Variants in WAC observed in about 807,000 individuals in gnomAD.
WAC encodes WW domain containing adaptor with coiled-coil.
WAC carries 11 observed loss-of-function variants against 79.6 expected under a neutral mutation model. That is an observed-to-expected ratio of 0.14 (90% CI 0.09 to 0.23). The LOEUF (loss-of-function observed/expected upper bound fraction) is 0.23, where lower values mean the gene tolerates loss of function less well. Ranked by LOEUF, WAC falls within the 10% of genes least tolerant of loss-of-function variation. The probability of loss-of-function intolerance (pLI) is 1.00; values close to 1 mark genes in which losing one functional copy is unlikely to be tolerated. For missense variants in WAC, 728 were observed against 773.5 expected (o/e 0.94, Z 0.70); for synonymous variants, 304 against 276.9 (o/e 1.10, Z -0.97).
intron 3 of WAC, among the ~76,000 whole-genome samples, chr10:28,576,256 T>G (rs1407203938): frequency 6.6e-6 from 1 of 152,220 alleles, no homozygotes; most frequent in African/African-American, 2.4e-5. Context: ...TTTCACAAAC[T>G]CTTTGTAGCA....
At chr10:28,589,305 G>A (rs1160130046) in intron 4 of WAC, 1 of 152,334 alleles carries the variant, frequency 6.6e-6, no homozygotes, top group East Asian at 1.9e-4. Flanking sequence ...GTTAATACAG[G>A]CAAGATTGTT....
At chr10:28,588,185 ATAAT>A (rs1384897943) in intron 4 of WAC, among the ~76,000 whole-genome samples, 1 of 152,156 alleles carries the variant, frequency 6.6e-6, no homozygotes, top group Non-Finnish European at 1.5e-5. Flanking sequence ...CAGTTGCATA[ATAAT>A]TTATGTATAG....
chr10:28,584,951 C>G (rs993387059), intron 4 of WAC, among the ~76,000 whole-genome samples: 1 of 152,000 alleles, frequency 6.6e-6, no homozygotes, highest in African/African-American at 2.4e-5. Flanking sequence ...ACCTGTAATC[C>G]CAGCTACTTG....
intron 3 of WAC, among the ~76,000 whole-genome samples, chr10:28,560,407 A>G (rs1437721356): frequency 6.6e-6 from 1 of 152,138 alleles, no homozygotes; most frequent in African/African-American, 2.4e-5. Flanking sequence ...CGAAGCAGGC[A>G]TTAGCTGGAA....
chr10:28,551,681 T>C (rs1178223913), intron 3 of WAC, among the ~76,000 whole-genome samples: 1 of 152,198 alleles, frequency 6.6e-6, no homozygotes, highest in African/African-American at 2.4e-5. Context: ...GCTTAAGATA[T>C]TGGAGCGAAT....
chr10:28,572,337 C>CAA lies in WAC; in HGVS notation c.275-11046_275-11045dup, dbSNP rs535940157. Among the ~76,000 whole-genome samples the CAA allele has an allele frequency of 3.5e-3, 300 of 86,748 alleles. 2 individuals carry two copies. Among genetic ancestry groups the CAA allele is most frequent in the African/African-American group, 9.3e-3 (212 of 22,820 alleles). 56.9% of individuals were successfully genotyped at this position (86,748 alleles called of 152,430 possible). ...GGGCAACAGAGTGAGACTCTGTCTCCAAAAAAAAAAAAAAAAAGCCATTAA... is the reference window on the plus strand; with the variant it reads ...GGGCAACAGAGTGAGACTCTGTCTCCAAAAAAAAAAAAAAAAAAAGCCATTAA... On this transcript the variant is annotated intron_variant, in intron 3 of 13. Transcript: ENST00000354911.
At chr10:28,553,539 C>G (rs756765609) in intron 3 of WAC, among the ~76,000 whole-genome samples, 1 of 151,942 alleles carries the variant, frequency 6.6e-6, no homozygotes, top group South Asian at 2.1e-4. Context: ...ATGGCTTTTT[C>G]TTTTTCCCTT....
chr10:28,548,859 A>G (rs1285938089), intron 3 of WAC, among the ~76,000 whole-genome samples: 3 of 152,162 alleles, frequency 2.0e-5, no homozygotes, highest in Non-Finnish European at 2.9e-5. Context: ...TGGCTAGTGC[A>G]GCTAAGAAAC....
At chr10:28,579,486 A>G (rs1839422347) in intron 3 of WAC, among the ~76,000 whole-genome samples, 1 of 152,206 alleles carries the variant, frequency 6.6e-6, no homozygotes, top group African/African-American at 2.4e-5. Flanking sequence ...TAGGTTCAGA[A>G]GTCTTACTAT....
At chr10:28,573,864 A>C (rs1589178750) in intron 3 of WAC, among the ~76,000 whole-genome samples, 3 of 148,738 alleles carry the variant, frequency 2.0e-5, no homozygotes, top group African/African-American at 2.5e-5. Flanking sequence ...ATCCCCCAAC[A>C]CCCCCCTCAC....
At chr10:28,618,319 A>G (rs997817683) in intron 13 of WAC, among the ~76,000 whole-genome samples, 1 of 152,246 alleles carries the variant, frequency 6.6e-6, no homozygotes, top group African/African-American at 2.4e-5. Context: ...ATTGAGGACA[A>G]ACTTGGCAAT....
rs1564408318 is a variant in WAC, at chr10:28,595,773, A to G, written c.651A>G (p.Pro217=). The part of the protein sequence containing the change: ...KHSSDASSLL[P]QNILSQTSRH... ...CCAGTGATGCCAGTAGTTTGCTCCCACAGAATATTTTGTCTCAAACAAGCA... is the reference window on the plus strand; with the variant it reads ...CCAGTGATGCCAGTAGTTTGCTCCCGCAGAATATTTTGTCTCAAACAAGCA... Residue 217 remains proline, a synonymous_variant, in exon 7 of 14, where the codon CCA becomes CCG. Coordinates refer to ENST00000354911, the MANE Select transcript of WAC (RefSeq NM_016628.5). 1 of 1,614,098 alleles carries G rather than the reference A, an allele frequency of 6.2e-7. No individual in the cohort carries two copies. Among genetic ancestry groups the G allele is most frequent in the Non-Finnish European group, 8.5e-7 (1 of 1,180,002 alleles).
At chr10:28,566,098 A>G (rs1838588836) in intron 3 of WAC, among the ~76,000 whole-genome samples, 1 of 152,202 alleles carries the variant, frequency 6.6e-6, no homozygotes, top group Admixed American at 6.5e-5. Context: ...TTGAATCTTA[A>G]AAAGCACTTC....
chr10:28,601,426 G>A (rs1289054056), intron 7 of WAC, among the ~76,000 whole-genome samples: 1 of 152,016 alleles, frequency 6.6e-6, no homozygotes, highest in African/African-American at 2.4e-5. Flanking sequence ...GTTTTGGAGG[G>A]TATGAAAAAA....
intron 3 of WAC, among the ~76,000 whole-genome samples, chr10:28,570,894 T>C (rs1052889398): frequency 2.0e-5 from 3 of 151,316 alleles, no homozygotes; most frequent in African/African-American, 7.3e-5. Flanking sequence ...ATTAGATAAC[T>C]GTTTTTCTAG....
chr10:28,581,004 GAGTCATAC>G (rs1420198480), intron 3 of WAC, among the ~76,000 whole-genome samples: 3 of 152,126 alleles, frequency 2.0e-5, no homozygotes, highest in African/African-American at 7.2e-5. Flanking sequence ...TCTTGCCTAA[GAGTCATAC>G]AGGATGCACT....
intron 4 of WAC, among the ~76,000 whole-genome samples, chr10:28,586,834 G>C (rs1047020947): frequency 1.3e-5 from 2 of 152,186 alleles, no homozygotes; most frequent in African/African-American, 4.8e-5. Context: ...CACTGTAATT[G>C]AGATTTTCCC....
At chr10:28,574,296 C>T (rs1187402875) in intron 3 of WAC, among the ~76,000 whole-genome samples, 2 of 152,082 alleles carry the variant, frequency 1.3e-5, no homozygotes, top group Admixed American at 6.6e-5. Context: ...TACAGGCATG[C>T]GTCACCACAC....
intron 3 of WAC, among the ~76,000 whole-genome samples, chr10:28,539,199 C>G (rs1034362888): frequency 1.3e-5 from 2 of 152,064 alleles, no homozygotes; most frequent in Non-Finnish European, 2.9e-5. Flanking sequence ...TACTAGATTT[C>G]TTAGCATCTT....
Sources: allele counts gnomAD v4.1 joint callset (sites outside exome capture counted in the v4.1 genomes callset), GRCh38; gene constraint gnomAD v4.1.1; transcripts MANE v1.5; gene names NCBI Gene and HGNC (gene_info 2026-07-23, HGNC 2026-07-21).